BRD10: variants seen among roughly 807,000 people sequenced by gnomAD.
The protein encoded by BRD10 is uncharacterized bromodomain-containing protein 10.
At chr9:5,926,487 T>C in the BRD10 span, among the ~76,000 whole-genome samples, 2 of 152,182 alleles carry the variant, frequency 1.3e-5, no homozygotes, top group African/African-American at 4.8e-5. Context: ...TTTGTATTTT[T>C]TGTACAGACA....
chr9:5,941,060 A>C, the BRD10 span, among the ~76,000 whole-genome samples: 1 of 152,126 alleles, frequency 6.6e-6, no homozygotes, highest in Non-Finnish European at 1.5e-5. Flanking sequence ...AACTTCTTTG[A>C]AAATCAGAAC....
chr9:5,896,734 G>T, the BRD10 span, among the ~76,000 whole-genome samples: 1 of 152,192 alleles, frequency 6.6e-6, no homozygotes, highest in Non-Finnish European at 1.5e-5. Context: ...TGTTTCCAGG[G>T]TCTTTGTGGT....
the BRD10 span, among the ~76,000 whole-genome samples, chr9:5,978,373 C>A: frequency 7.8e-6 from 1 of 128,740 alleles, no homozygotes; most frequent in Non-Finnish European, 1.6e-5. Flanking sequence ...ACCTCACTCT[C>A]AAAGACATTG....
chr9:5,943,896 C>A, the BRD10 span, among the ~76,000 whole-genome samples: 1 of 152,060 alleles, frequency 6.6e-6, no homozygotes, highest in African/African-American at 2.4e-5. Flanking sequence ...GCTGTTTCAC[C>A]CTAGTACTAA....
chr9:5,965,698 G>A, the BRD10 span, among the ~76,000 whole-genome samples: 1 of 152,168 alleles, frequency 6.6e-6, no homozygotes, highest in Non-Finnish European at 1.5e-5. Context: ...TTTGCAAAAT[G>A]AATTGTGAAC....
the BRD10 span, among the ~76,000 whole-genome samples, chr9:5,918,710 T>A: frequency 6.9e-5 from 10 of 144,312 alleles, no homozygotes; most frequent in Non-Finnish European, 1.3e-4. Flanking sequence ...CACACCAACC[T>A]AATACTTGGG....
the BRD10 span, among the ~76,000 whole-genome samples, chr9:5,887,958 C>G: frequency 6.6e-6 from 1 of 152,178 alleles, no homozygotes; most frequent in Admixed American, 6.5e-5. Flanking sequence ...TCTCCCTTAC[C>G]ATTTTCAGTG....
chr9:5,979,176 A>G, the BRD10 span, among the ~76,000 whole-genome samples: 4 of 152,234 alleles, frequency 2.6e-5, no homozygotes, highest in Non-Finnish European at 5.9e-5. Context: ...GATCAGTAAA[A>G]TACCAGCAAG....
the BRD10 span, among the ~76,000 whole-genome samples, chr9:5,879,853 C>T: frequency 1.3e-5 from 2 of 152,210 alleles, no homozygotes; most frequent in East Asian, 3.9e-4. Flanking sequence ...TAGCTCGGAT[C>T]TCCCTGTCAG....
the BRD10 span, among the ~76,000 whole-genome samples, chr9:5,996,246 T>A: frequency 2.0e-5 from 3 of 152,090 alleles, no homozygotes; most frequent in African/African-American, 7.2e-5. Context: ...TATTCATTTC[T>A]GCAACAGCAA....
At chr9:5,953,945 A>T in the BRD10 span, 1 of 840,750 alleles carries the variant, frequency 1.2e-6, no homozygotes, top group East Asian at 2.7e-5. Context: ...AATTCAGCCA[A>T]ACTCTCGAGG....
At chr9:5,923,380 A>G in the BRD10 span, 1 of 1,182,784 alleles carries the variant, frequency 8.5e-7, no homozygotes. Context: ...TCAACTGTAA[A>G]AAAGAAAGTC....
the BRD10 span, among the ~76,000 whole-genome samples, chr9:5,938,804 G>C: frequency 6.6e-6 from 1 of 152,100 alleles, no homozygotes; most frequent in Non-Finnish European, 1.5e-5. Context: ...TTTACCAGAA[G>C]ATCTAGAATA....
chr9:5,989,767 G>A, the BRD10 span, among the ~76,000 whole-genome samples: 5 of 152,102 alleles, frequency 3.3e-5, no homozygotes, highest in Admixed American at 1.3e-4. Context: ...GGGCTCAAGC[G>A]ATCAGCCCAC....
At chr9:5,914,752 A>C in the BRD10 span, among the ~76,000 whole-genome samples, 1 of 152,032 alleles carries the variant, frequency 6.6e-6, no homozygotes, top group South Asian at 2.1e-4. Context: ...AAAATTCTTG[A>C]CTATTTTTTA....
At chr9:5,933,735 C>T in the BRD10 span, 1,652 of 469,326 alleles carry the variant, frequency 3.5e-3, 21 homozygotes, top group African/African-American at 0.028. Context: ...TGAAATGAGT[C>T]GGGAGGGAAA....
the BRD10 span, among the ~76,000 whole-genome samples, chr9:5,949,836 G>C: frequency 2.0e-5 from 3 of 152,088 alleles, no homozygotes; most frequent in Non-Finnish European, 2.9e-5. Context: ...TAAATGAAAA[G>C]ACTTTTTAGG....
chr9:5,931,138 G>A, the BRD10 span, among the ~76,000 whole-genome samples: 1 of 152,204 alleles, frequency 6.6e-6, no homozygotes, highest in Admixed American at 6.5e-5. Flanking sequence ...CTCACCGGGA[G>A]TTACAGGAGA....
At chr9:5,893,721 A>G in the BRD10 span, among the ~76,000 whole-genome samples, 1 of 152,198 alleles carries the variant, frequency 6.6e-6, no homozygotes, top group East Asian at 1.9e-4. Context: ...ATTCAAGAGT[A>G]AAGAGTTCAA....
Sources: gnomAD v4.1 joint callset for allele counts (sites outside exome capture counted in the v4.1 genomes callset) on GRCh38, gnomAD v4.1.1 for gene constraint, MANE v1.5 for transcripts, NCBI Gene and HGNC (gene_info 2026-07-23, HGNC 2026-07-21) for gene names.